The following DNAH7 variants were observed in gnomAD, a reference collection of about 807,000 sequenced individuals.
DNAH7 encodes dynein axonemal heavy chain 7.
In DNAH7, 397 loss-of-function variants were observed where a neutral mutation model predicts 444.6. The ratio of observed to expected loss-of-function variants is 0.89; its 90% confidence interval spans 0.82 to 0.97. DNAH7 has a LOEUF of 0.97. Among genes scored for constraint, DNAH7 ranks in the 50% least tolerant of loss-of-function variants. The probability of loss-of-function intolerance (pLI) is 0.00; values close to 1 mark genes in which losing one functional copy is unlikely to be tolerated. For synonymous variants in DNAH7, 1,636 were observed against 1,624.4 expected (o/e 1.01, Z -0.17); for missense variants, 4,902 against 4,800.8 (o/e 1.02, Z -0.62).
intron 5 of DNAH7, among the ~76,000 whole-genome samples, chr2:196,033,570 T>C (rs1233747894): frequency 6.6e-6 from 1 of 152,240 alleles, no homozygotes; most frequent in Admixed American, 6.5e-5. Context: ...GTACCTATCT[T>C]ATTTCACTTA....
chr2:196,009,797 C>G (rs981539308), intron 10 of DNAH7, among the ~76,000 whole-genome samples: 4 of 152,152 alleles, frequency 2.6e-5, no homozygotes, highest in African/African-American at 9.7e-5. Flanking sequence ...ACATAGAGAA[C>G]TCAAACAACT....
intron 52 of DNAH7, among the ~76,000 whole-genome samples, chr2:195,809,151 T>C (rs1179684713): frequency 1.3e-5 from 2 of 152,254 alleles, no homozygotes; most frequent in African/African-American, 4.8e-5. Flanking sequence ...ATATGTTCTA[T>C]TCGAATACGT....
At chr2:195,843,869 G>A (rs1236053282) in intron 47 of DNAH7, among the ~76,000 whole-genome samples, 1 of 152,100 alleles carries the variant, frequency 6.6e-6, no homozygotes, top group African/African-American at 2.4e-5. Flanking sequence ...GGCTGAGGCG[G>A]GCACATCACA....
At chr2:195,834,572 G>T (rs1467977741) in intron 47 of DNAH7, 3 of 425,414 alleles carry the variant, frequency 7.1e-6, no homozygotes, top group Non-Finnish European at 4.1e-6. Context: ...TGCAAAGTTC[G>T]CACAAGTTAT....
chr2:195,844,718 T>C (rs1165574017), intron 47 of DNAH7, among the ~76,000 whole-genome samples: 1 of 152,156 alleles, frequency 6.6e-6, no homozygotes, highest in Non-Finnish European at 1.5e-5. Context: ...GAAATGAAAA[T>C]TTTGGACTTC....
At chr2:195,862,318 A>G (rs1378409955) in intron 41 of DNAH7, among the ~76,000 whole-genome samples, 1 of 152,182 alleles carries the variant, frequency 6.6e-6, no homozygotes, top group Non-Finnish European at 1.5e-5. Flanking sequence ...TGTAGGCATT[A>G]TTCCTGAAAT....
At position 195,864,722 on chromosome 2, in the gene DNAH7, C is replaced by T. The variant is rs1700219897; in HGVS notation, c.6933G>A (p.Met2311Ile). 2.5e-6 allele frequency: 4 copies of T among 1,614,170 alleles called. No individual in the cohort carries two copies. In the South Asian group the frequency reaches 4.4e-5, roughly 18 times the overall value. The change falls in exon 41 of 65, where the codon ATG becomes ATA. Residue 2311 changes from methionine (M) to isoleucine (I), a missense_variant. Coordinates refer to ENST00000312428, the MANE Select transcript of DNAH7 (RefSeq NM_018897.3). ...TGGCAAATCGAAACAAGACAAGGTT[C>T]ATGGGTTTTTTGCTTATATTGTTGT... Reference protein sequence around the residue: ...EEYNNISKKPMNLVLFRFAIE... With the variant: ...EEYNNISKKPINLVLFRFAIE...
chr2:195,934,728 A>C lies in DNAH7; in HGVS notation c.3334T>G (p.Leu1112Val). 6.2e-7 allele frequency: 1 copy of C among 1,614,088 alleles called. No individual in the cohort carries two copies. Among genetic ancestry groups the C allele is most frequent in the Non-Finnish European group, 8.5e-7 (1 of 1,179,990 alleles). The change falls in exon 21 of 65, where the codon TTA (leucine) becomes GTA (valine). Residue 1112 changes from leucine to valine, a missense_variant. Physicochemically the swap from Leu to Val is conservative, Grantham distance 32. Coordinates refer to ENST00000312428, the MANE Select transcript of DNAH7 (RefSeq NM_018897.3). Reference protein sequence around the residue: ...GIAKVEFTETLDITHMKSSEG... With the variant: ...GIAKVEFTETVDITHMKSSEG... ...CTGCTCTTCATGTGAGTAATGTCTA[A>C]AGTTTCCGTAAATTCTACCTTTGCG...
At chr2:195,778,639 A>AAAAAAAAAAAAT (rs1559089662) in intron 58 of DNAH7, among the ~76,000 whole-genome samples, 1 of 51,712 alleles carries the variant, frequency 1.9e-5, no homozygotes, top group East Asian at 7.2e-4. Context: ...AAAATAAATA[A>AAAAAAAAAAAAT]ATAAATATAT....
chr2:195,852,401 G>A (rs1699427162), intron 46 of DNAH7, among the ~76,000 whole-genome samples: 1 of 151,948 alleles, frequency 6.6e-6, no homozygotes, highest in South Asian at 2.1e-4. Flanking sequence ...CTATACAAAG[G>A]GGATGTAACA....
chr2:196,013,162 G>A (rs1323807726), intron 9 of DNAH7, among the ~76,000 whole-genome samples: 8 of 152,090 alleles, frequency 5.3e-5, no homozygotes, highest in Non-Finnish European at 7.4e-5. Flanking sequence ...GGGATATGAA[G>A]GATAGTTTAA....
intron 19 of DNAH7, among the ~76,000 whole-genome samples, chr2:195,953,375 T>C (rs1690403448): frequency 6.6e-6 from 1 of 152,178 alleles, no homozygotes; most frequent in Admixed American, 6.5e-5. Context: ...CTGTTGACCC[T>C]GGCTGGGAGG....
intron 63 of DNAH7, among the ~76,000 whole-genome samples, chr2:195,752,488 A>G (rs1225590761): frequency 1.3e-5 from 2 of 152,162 alleles, no homozygotes; most frequent in African/African-American, 4.8e-5. Context: ...TAGAGGAAAG[A>G]TCTAGATTGA....
At chr2:195,965,439 G>A (rs1340786227) in intron 17 of DNAH7, among the ~76,000 whole-genome samples, 2 of 152,024 alleles carry the variant, frequency 1.3e-5, no homozygotes, top group Non-Finnish European at 2.9e-5. Flanking sequence ...TTTTTTTGAT[G>A]TGTCTTTGTC....
chr2:195,791,752 G>A (rs556433597), intron 57 of DNAH7, among the ~76,000 whole-genome samples: 1 of 152,330 alleles, frequency 6.6e-6, no homozygotes, highest in South Asian at 2.1e-4. Flanking sequence ...GCCCTTTGCA[G>A]CAACATGGAT....
At position 195,756,125 on chromosome 2, in the gene DNAH7, G is replaced by A. The variant is rs756241044; in HGVS notation, c.11586+8C>T. ...CTTAACAATATACGATCATTTAGACGAACTTACCTGCAAGAATTTTAGTCT... is the reference window on the plus strand; with the variant it reads ...CTTAACAATATACGATCATTTAGACAAACTTACCTGCAAGAATTTTAGTCT... On this transcript the variant is annotated splice_region_variant and intron_variant, in intron 62 of 64. Coordinates refer to ENST00000312428, the MANE Select transcript of DNAH7 (RefSeq NM_018897.3). 6 of 1,591,292 alleles carry A rather than the reference G, an allele frequency of 3.8e-6. No homozygotes were observed. Among genetic ancestry groups the A allele is most frequent in the East Asian group, 2.3e-5 (1 of 44,406 alleles).
At chr2:195,876,062 G>A (rs1444074922) in intron 37 of DNAH7, among the ~76,000 whole-genome samples, 3 of 152,132 alleles carry the variant, frequency 2.0e-5, no homozygotes, top group Middle Eastern at 3.4e-3. Context: ...ACTAATCTTC[G>A]TAGGTTAATA....
At chr2:195,874,542 G>A (rs900526774) in intron 38 of DNAH7, among the ~76,000 whole-genome samples, 2 of 152,020 alleles carry the variant, frequency 1.3e-5, no homozygotes, top group African/African-American at 4.8e-5. Flanking sequence ...TTGGGGTGGT[G>A]GGGGAGAGAC....
At chr2:195,906,034 A>C (rs1233610880) in intron 27 of DNAH7, among the ~76,000 whole-genome samples, 1 of 152,144 alleles carries the variant, frequency 6.6e-6, no homozygotes, top group Non-Finnish European at 1.5e-5. Flanking sequence ...ATGTATTAAT[A>C]GTTGGAATTA....
Sources: allele counts gnomAD v4.1 joint callset (sites outside exome capture counted in the v4.1 genomes callset), GRCh38; gene constraint gnomAD v4.1.1; transcripts MANE v1.5; gene names NCBI Gene and HGNC (gene_info 2026-07-23, HGNC 2026-07-21).